The following HHIPL1 variants were observed in gnomAD, a reference collection of about 807,000 sequenced individuals.
HHIPL1 encodes the protein HHIP-like protein 1.
A neutral mutation model predicts 61.8 loss-of-function variants in HHIPL1; 43 were observed. That is an observed-to-expected ratio of 0.70 (90% CI 0.55 to 0.90). The LOEUF (loss-of-function observed/expected upper bound fraction) is 0.90, where lower values mean the gene tolerates loss of function less well. HHIPL1 is among the 40% of genes least tolerant of loss of function. The pLI is 0.00. For missense variants in HHIPL1, 1,056 were observed against 1,157.7 expected (o/e 0.91, Z 1.28); for synonymous variants, 482 against 515.8 (o/e 0.93, Z 0.89).
At chr14:99,632,392 C>A in the HHIPL1 span, among the ~76,000 whole-genome samples, 3 of 152,190 alleles carry the variant, frequency 2.0e-5, no homozygotes, top group Non-Finnish European at 2.9e-5. Flanking sequence ...GAACTGAAAC[C>A]CTGTTTCTGT....
chr14:99,631,645 T>C, the HHIPL1 span, among the ~76,000 whole-genome samples: 2 of 151,954 alleles, frequency 1.3e-5, no homozygotes, highest in African/African-American at 4.8e-5. Context: ...TGAGATGGAG[T>C]CTCGCTCTAT....
intron 2 of HHIPL1, among the ~76,000 whole-genome samples, chr14:99,656,011 G>C (rs2056021525): frequency 6.6e-6 from 1 of 152,234 alleles, no homozygotes; most frequent in Admixed American, 6.5e-5. Flanking sequence ...CAAACTGGAA[G>C]CCAGCTGGCT....
chr14:99,640,704 C>A (rs540690765), upstream of HHIPL1, among the ~76,000 whole-genome samples: 1 of 152,204 alleles, frequency 6.6e-6, no homozygotes, highest in African/African-American at 2.4e-5. Context: ...TAACACTATA[C>A]CACTTCATGT....
At chr14:99,671,213 G>A (rs1431118212) in intron 7 of HHIPL1, among the ~76,000 whole-genome samples, 1 of 152,158 alleles carries the variant, frequency 6.6e-6, no homozygotes, top group Non-Finnish European at 1.5e-5. Flanking sequence ...GAGGAGGTAG[G>A]GTCAGGTCAT....
chr14:99,652,111 C>T (rs1340794616), intron 1 of HHIPL1, 113 bp from the exon 2 acceptor site: 4 of 982,538 alleles, frequency 4.1e-6, no homozygotes, highest in African/African-American at 1.6e-5. Flanking sequence ...GGCGTTGTCT[C>T]CATTTTATGG....
At chr14:99,647,501 T>G (rs2055860509) in intron 1 of HHIPL1, among the ~76,000 whole-genome samples, 1 of 152,224 alleles carries the variant, frequency 6.6e-6, no homozygotes, top group Non-Finnish European at 1.5e-5. Context: ...CTGGCAGGTT[T>G]CTTGGGAAAC....
chr14:99,629,930 T>C, the HHIPL1 span, among the ~76,000 whole-genome samples: 16 of 152,238 alleles, frequency 1.1e-4, no homozygotes, highest in African/African-American at 3.9e-4. Context: ...TTCCCTTCAG[T>C]TACAGCAGAA....
chr14:99,611,023 A>G, the HHIPL1 span, among the ~76,000 whole-genome samples: 1 of 152,186 alleles, frequency 6.6e-6, no homozygotes, highest in Non-Finnish European at 1.5e-5. Flanking sequence ...TTTAAAAACT[A>G]AAAATATTTT....
At chr14:99,623,464 A>C in the HHIPL1 span, among the ~76,000 whole-genome samples, 1 of 152,052 alleles carries the variant, frequency 6.6e-6, no homozygotes, top group Non-Finnish European at 1.5e-5. Context: ...CCCAGGCTGG[A>C]GTGCAGTGGT....
chr14:99,644,453 T>C (rs2055793817), upstream of HHIPL1, among the ~76,000 whole-genome samples: 1 of 134,536 alleles, frequency 7.4e-6, no homozygotes, highest in African/African-American at 2.9e-5. Flanking sequence ...TGTGTGCGTC[T>C]GTATGTGTGT....
intron 6 of HHIPL1, among the ~76,000 whole-genome samples, chr14:99,664,507 A>T (rs1207883735): frequency 1.3e-5 from 2 of 151,478 alleles, no homozygotes; most frequent in African/African-American, 4.9e-5. Flanking sequence ...GTGGAAAACC[A>T]GGAGGAGGCA....
chr14:99,627,031 G>T, the HHIPL1 span, among the ~76,000 whole-genome samples: 1 of 152,122 alleles, frequency 6.6e-6, no homozygotes, highest in Non-Finnish European at 1.5e-5. The surrounding 1 kb of genome is among the most constrained non-coding windows in gnomAD (Gnocchi z 4.4). Flanking sequence ...TTGAGCCTGA[G>T]TCTGTCAGAG....
At chr14:99,637,181 A>AATGG in the HHIPL1 span, among the ~76,000 whole-genome samples, 217 of 129,386 alleles carry the variant, frequency 1.7e-3, 2 homozygotes, top group East Asian at 0.014. Context: ...AGAAAGAAAG[A>AATGG]AAGAATGGAA....
At chr14:99,663,651 CTTAT>C (rs1300626755) in intron 6 of HHIPL1, among the ~76,000 whole-genome samples, 1 of 152,174 alleles carries the variant, frequency 6.6e-6, no homozygotes, top group African/African-American at 2.4e-5. Context: ...TTACCCAGCT[CTTAT>C]TTAAGATGGA....
chr14:99,622,419 G>T, the HHIPL1 span, among the ~76,000 whole-genome samples: 1 of 152,092 alleles, frequency 6.6e-6, no homozygotes, highest in East Asian at 1.9e-4. Context: ...TTTCCATCCT[G>T]CCCAAATGAC....
At position 99,668,205 on chromosome 14, in the gene HHIPL1, C is replaced by T; in HGVS notation, c.1649-17C>T. On this transcript the variant is annotated splice_polypyrimidine_tract_variant and intron_variant, in intron 6 of 8. Transcript: ENST00000330710. The surrounding 1 kb of genome is among the most constrained non-coding windows in gnomAD (Gnocchi z 4.7). ...TTCCAGGTGGGGGTCTCACTAGTCA[C>T]TTTGTTCTGTCCAAAGGGGAGCTGT... 6.4e-7 allele frequency: 1 copy of T among 1,562,738 alleles called. No individual in the cohort carries two copies. The highest frequency in any genetic ancestry group is 8.8e-7 in the Non-Finnish European group (1 of 1,133,302).
chr14:99,608,836 G>A, the HHIPL1 span, among the ~76,000 whole-genome samples: 4 of 152,206 alleles, frequency 2.6e-5, no homozygotes, highest in Non-Finnish European at 4.4e-5. Flanking sequence ...CACAGGTTAA[G>A]TCACTTGCCC....
chr14:99,656,289 A>ACAAAG (rs1048430182), intron 2 of HHIPL1, among the ~76,000 whole-genome samples: 3 of 152,180 alleles, frequency 2.0e-5, no homozygotes, highest in Non-Finnish European at 4.4e-5. Flanking sequence ...ACAAAACAAA[A>ACAAAG]CAAAACACTA....
the HHIPL1 span, among the ~76,000 whole-genome samples, chr14:99,629,082 C>T: frequency 1.3e-5 from 2 of 152,194 alleles, no homozygotes; most frequent in East Asian, 1.9e-4. Context: ...TTCCCAGACA[C>T]CCGCGGATGT....
Sources: allele counts gnomAD v4.1 joint callset (sites outside exome capture counted in the v4.1 genomes callset), GRCh38; gene constraint gnomAD v4.1.1; non-coding constraint Gnocchi (gnomAD v3.1); transcripts MANE v1.5; gene names NCBI Gene and HGNC (gene_info 2026-07-23, HGNC 2026-07-21).